The following FGF14 variants were observed in gnomAD, a reference collection of about 807,000 sequenced individuals.
FGF14 encodes fibroblast growth factor 14.
In FGF14, 5 loss-of-function variants were observed where a neutral mutation model predicts 25.5. The ratio of observed to expected loss-of-function variants is 0.20; its 90% CI spans 0.10 to 0.41. The LOEUF is 0.41. Among genes scored for constraint, FGF14 ranks in the 10% least tolerant of loss-of-function variants. The probability of loss-of-function intolerance (pLI) is 1.00; values close to 1 mark genes in which losing one functional copy is unlikely to be tolerated. For missense variants in FGF14, 222 were observed against 320.1 expected (o/e 0.69, Z 2.34); for synonymous variants, 138 against 118.3 (o/e 1.17, Z -1.08).
chr13:102,171,320 C>T (rs1476799155), intron 1 of FGF14, among the ~76,000 whole-genome samples: 2 of 152,130 alleles, frequency 1.3e-5, no homozygotes, highest in African/African-American at 4.8e-5. Flanking sequence ...CAAATGATTG[C>T]ATGAGGAAGC....
At chr13:102,063,666 T>C (rs2042781558) in intron 1 of FGF14, among the ~76,000 whole-genome samples, 1 of 151,588 alleles carries the variant, frequency 6.6e-6, no homozygotes, top group African/African-American at 2.4e-5. Context: ...AACATTAAAA[T>C]CATGAAAAAA....
At chr13:102,126,298 C>A (rs1488364456) in intron 1 of FGF14, among the ~76,000 whole-genome samples, 1 of 152,208 alleles carries the variant, frequency 6.6e-6, no homozygotes, top group African/African-American at 2.4e-5. Flanking sequence ...CTAGGAACTT[C>A]ACGCATGTGG....
intron 1 of FGF14, among the ~76,000 whole-genome samples, chr13:102,142,399 A>C (rs923114351): frequency 6.6e-6 from 1 of 152,160 alleles, no homozygotes; most frequent in East Asian, 1.9e-4. Context: ...TCCTTAAAAA[A>C]AAAAATGGAA....
intron 1 of FGF14, chr13:102,367,629 G>T (rs2057752496): frequency 6.6e-6 from 1 of 152,208 alleles, no homozygotes; most frequent in African/African-American, 2.4e-5. Context: ...AAATTACTCG[G>T]AGTGTGTGTC....
chr13:102,333,032 G>A (rs752397145), intron 1 of FGF14, among the ~76,000 whole-genome samples: 6 of 152,100 alleles, frequency 3.9e-5, no homozygotes, highest in Admixed American at 3.3e-4. Flanking sequence ...TCTATATGCG[G>A]TATTTCTAGA....
chr13:102,288,787 G>C (rs1293626238), intron 1 of FGF14, among the ~76,000 whole-genome samples: 1 of 152,058 alleles, frequency 6.6e-6, no homozygotes, highest in Non-Finnish European at 1.5e-5. Context: ...GTTTCACCAT[G>C]TTGGCCAGGC....
At chr13:101,808,294 CCTT>C (rs1490936630) in intron 3 of FGF14, among the ~76,000 whole-genome samples, 2 of 151,922 alleles carry the variant, frequency 1.3e-5, no homozygotes, top group Non-Finnish European at 2.9e-5. Flanking sequence ...CATCCCTATT[CCTT>C]CTGTTATCCT....
At chr13:101,978,630 A>G (rs954632147) in intron 1 of FGF14, among the ~76,000 whole-genome samples, 2 of 152,224 alleles carry the variant, frequency 1.3e-5, no homozygotes, top group Non-Finnish European at 2.9e-5. Flanking sequence ...CTAGGGATAC[A>G]TCTCCAATAT....
At chr13:101,935,079 A>C (rs528342719) in intron 1 of FGF14, among the ~76,000 whole-genome samples, 1 of 152,302 alleles carries the variant, frequency 6.6e-6, no homozygotes, top group African/African-American at 2.4e-5. Context: ...AGTACACTGA[A>C]CTCAAAGAAA....
chr13:101,885,399 C>T (rs748764865), intron 1 of FGF14, among the ~76,000 whole-genome samples: 3 of 152,074 alleles, frequency 2.0e-5, no homozygotes, highest in Non-Finnish European at 4.4e-5. Context: ...GAAACAGATC[C>T]TCTTTCCACT....
intron 1 of FGF14, among the ~76,000 whole-genome samples, chr13:102,248,959 T>C (rs2052022205): frequency 6.6e-6 from 1 of 151,968 alleles, no homozygotes; most frequent in Non-Finnish European, 1.5e-5. Flanking sequence ...GTCAAGAGAA[T>C]AACAGTGCCA....
chr13:101,906,372 A>C (rs567036489), intron 1 of FGF14, among the ~76,000 whole-genome samples: 1 of 152,336 alleles, frequency 6.6e-6, no homozygotes, highest in East Asian at 1.9e-4. Context: ...TAAGAGGAAT[A>C]AAAAAGCCAT....
chr13:101,866,427 T>C (rs969913092), intron 3 of FGF14, among the ~76,000 whole-genome samples: 1 of 152,146 alleles, frequency 6.6e-6, no homozygotes, highest in African/African-American at 2.4e-5. Flanking sequence ...TGAGTGACTT[T>C]GGGCAGATTC....
At chr13:102,011,616 G>T (rs1012513560) in intron 1 of FGF14, among the ~76,000 whole-genome samples, 28 of 152,148 alleles carry the variant, frequency 1.8e-4, no homozygotes, top group African/African-American at 6.3e-4. Context: ...TGAGAGCATA[G>T]AGAGCAGCTC....
chr13:101,946,189 C>T (rs1297692363), intron 1 of FGF14, among the ~76,000 whole-genome samples: 1 of 151,926 alleles, frequency 6.6e-6, no homozygotes, highest in Non-Finnish European at 1.5e-5. Flanking sequence ...GGGCAGTCTT[C>T]CCCTTTTCTC....
At chr13:101,807,097 C>A (rs951258950) in intron 3 of FGF14, among the ~76,000 whole-genome samples, 2 of 152,058 alleles carry the variant, frequency 1.3e-5, no homozygotes, top group Non-Finnish European at 2.9e-5. Context: ...AACAAGAATA[C>A]AATGAAGAAA....
At chr13:102,116,590 T>A (rs1432272659) in intron 1 of FGF14, among the ~76,000 whole-genome samples, 1 of 152,144 alleles carries the variant, frequency 6.6e-6, no homozygotes, top group Admixed American at 6.5e-5. Context: ...CTTGTATGAT[T>A]TGATTTATGT....
At chr13:102,319,906 T>A (rs2056180323) in intron 1 of FGF14, among the ~76,000 whole-genome samples, 1 of 152,206 alleles carries the variant, frequency 6.6e-6, no homozygotes, top group Admixed American at 6.5e-5. Context: ...TGCACATGCA[T>A]ACTGATGAAA....
intron 1 of FGF14, among the ~76,000 whole-genome samples, chr13:101,914,572 C>T (rs1179659318): frequency 3.9e-5 from 6 of 152,046 alleles, no homozygotes; most frequent in Non-Finnish European, 5.9e-5. Flanking sequence ...AATGGAGAAA[C>T]GGACCATTAG....
Sources: allele counts gnomAD v4.1 joint callset (sites outside exome capture counted in the v4.1 genomes callset), GRCh38; gene constraint gnomAD v4.1.1; transcripts MANE v1.5; gene names NCBI Gene and HGNC (gene_info 2026-07-23, HGNC 2026-07-21).